Variants in ARPC4 observed in about 807,000 individuals in gnomAD.
ARPC4 encodes actin-related protein 2/3 complex subunit 4.
A neutral mutation model predicts 22.8 loss-of-function variants in ARPC4; 3 were observed. The observed-to-expected ratio is 0.13, with a 90% CI of 0.06 to 0.34. ARPC4 has a LOEUF of 0.34. Ranked by LOEUF, ARPC4 falls within the 10% of genes least tolerant of loss-of-function variation. The probability of loss-of-function intolerance (pLI) is 1.00; values close to 1 mark genes in which losing one functional copy is unlikely to be tolerated. For synonymous variants in ARPC4, 80 were observed against 72.5 expected, an observed-to-expected ratio of 1.10 and a Z score of -0.52; for missense variants, 98 against 211.0, an observed-to-expected ratio of 0.46 and a Z score of 3.32.
intron 4 of ARPC4, among the ~76,000 whole-genome samples, chr3:9,803,071 G>T (rs1420892591): frequency 6.6e-6 from 1 of 151,866 alleles, no homozygotes; most frequent in Non-Finnish European, 1.5e-5. Context: ...TTTTAGTAGA[G>T]ACGGGGTTTC....
At chr3:9,794,089 C>T (rs1334947126) in intron 1 of ARPC4, among the ~76,000 whole-genome samples, 1 of 152,048 alleles carries the variant, frequency 6.6e-6, no homozygotes, top group African/African-American at 2.4e-5. Context: ...GGGGCACATG[C>T]CTCTTGATTT....
At chr3:9,803,685 C>A in intron 4 of ARPC4, 158 bp from the exon 5 acceptor site, 1 of 857,144 alleles carries the variant, frequency 1.2e-6, no homozygotes, top group Non-Finnish European at 2.0e-6. Flanking sequence ...TCCCCCAGAG[C>A]AGCTGGGCTG....
At chr3:9,802,219 CAG>C (rs1375669653) in intron 4 of ARPC4, among the ~76,000 whole-genome samples, 5 of 95,436 alleles carry the variant, frequency 5.2e-5, no homozygotes, top group African/African-American at 2.1e-4. Context: ...GCCTGGGCGA[CAG>C]AGCAAGACTC....
chr3:9,794,696 C>A (rs991114542), intron 1 of ARPC4, among the ~76,000 whole-genome samples: 1 of 151,948 alleles, frequency 6.6e-6, no homozygotes, highest in Non-Finnish European at 1.5e-5. Flanking sequence ...AAAAAAAAGT[C>A]AAGTTGTGTA....
In ARPC4 at chr3:9,800,286, C is replaced by T. The variant is rs1246032683; in HGVS notation, c.224C>T (p.Ala75Val). The change falls in exon 3 of 6, where the codon GCT becomes GTT. Residue 75 changes from alanine to valine, a missense_variant. Physicochemically the swap from Ala to Val is moderately conservative, Grantham distance 64. Coordinates refer to ENST00000397261, the MANE Select transcript of ARPC4 (RefSeq NM_005718.5). ...GSINSVRVSI[A>V]VKQADEIEKI... ...ATCAACTCTGTCCGGGTCAGCATTG[C>T]TGTGAAACAGGTAAGTTCACCATGG... 3 of 1,613,944 alleles carry T rather than the reference C, an allele frequency of 1.9e-6. No homozygotes were observed. Among genetic ancestry groups the T allele is most frequent in the Admixed American group, 3.3e-5 (2 of 59,976 alleles).
At chr3:9,803,168 C>A (rs2079048448) in intron 4 of ARPC4, among the ~76,000 whole-genome samples, 1 of 152,246 alleles carries the variant, frequency 6.6e-6, no homozygotes, top group African/African-American at 2.4e-5. Flanking sequence ...CAGGCGTGAG[C>A]CACCGCGCCC....
intron 2 of ARPC4, 87 bp from the exon 3 acceptor site, chr3:9,800,098 C>A: frequency 7.5e-7 from 1 of 1,325,680 alleles, no homozygotes; most frequent in African/African-American, 1.4e-5. Context: ...ACTCTATGGT[C>A]TCATAGTGAT....
rs372131485 is a variant in ARPC4, at chr3:9,806,448, C to T, written c.*233C>T. On this transcript the variant is annotated 3_prime_UTR_variant, in exon 6 of 6. Coordinates refer to ENST00000397261, the MANE Select transcript of ARPC4 (RefSeq NM_005718.5). Reference sequence around the variant, plus strand: ...GCTTCTGATGTTCAGTCCCCTGGGCCGGGACAGATTTTTTTTAACGTCTTG... The same window carrying T: ...GCTTCTGATGTTCAGTCCCCTGGGCTGGGACAGATTTTTTTTAACGTCTTG... The T allele has an allele frequency of 1.5e-4, 87 of 586,740 alleles. No homozygotes were observed. Among genetic ancestry groups the T allele is most frequent in the South Asian group, 8.4e-4 (42 of 49,792 alleles). The allele number at this position is 586,740 out of a possible 1,614,324, so 36.3% of individuals were successfully genotyped here.
At chr3:9,795,951 C>G (rs113803575) in intron 1 of ARPC4, among the ~76,000 whole-genome samples, 47 of 152,224 alleles carry the variant, frequency 3.1e-4, no homozygotes, top group African/African-American at 8.7e-4. Context: ...CAAAAATTAA[C>G]CAGGCACGGT....
At chr3:9,802,513 C>T (rs2079032140) in intron 4 of ARPC4, among the ~76,000 whole-genome samples, 1 of 148,784 alleles carries the variant, frequency 6.7e-6, no homozygotes, top group Non-Finnish European at 1.5e-5. Context: ...GTAGCTGGGA[C>T]TACAGGCGCC....
intron 4 of ARPC4, 42 bp from the exon 5 acceptor site, chr3:9,803,801 C>G: frequency 1.3e-6 from 2 of 1,594,452 alleles, no homozygotes; most frequent in Non-Finnish European, 1.7e-6. Flanking sequence ...CTAATTCTCT[C>G]CTGTTCCTTC....
At position 9,801,212 on chromosome 3, in the gene ARPC4, GAAAAAAAAA is replaced by G. The variant is rs745696982; in HGVS notation, c.235-432_235-424del. 5.3e-4 allele frequency among the ~76,000 whole-genome samples: 35 copies of G among 66,454 alleles called. 1 individual carries two copies. Among genetic ancestry groups the G allele is most frequent in the East Asian group, 3.3e-3 (6 of 1,810 alleles). The allele number at this position is 66,454 out of a possible 152,430, so 43.6% of individuals were successfully genotyped here. A position where few individuals can be genotyped will look rare whatever the true frequency, so the allele number is the denominator to read the frequency against. The stretch of plus-strand genomic sequence containing the variant: ...GGTGACAGAGCGAGATTCCATCTCA[GAAAAAAAAA>G]AAAAAAAAAAAAAAAAGAAATGTTG... On this transcript the variant is annotated intron_variant, in intron 3 of 5. Coordinates refer to ENST00000397261, the MANE Select transcript of ARPC4 (RefSeq NM_005718.5).
chr3:9,806,480 A>G lies in ARPC4; in HGVS notation c.*265A>G. 1 of 561,356 alleles carries G rather than the reference A, an allele frequency of 1.8e-6. No individual in the cohort carries two copies. Among genetic ancestry groups the G allele is most frequent in the South Asian group, 2.1e-5 (1 of 47,994 alleles). 34.8% of individuals were successfully genotyped at this position (561,356 alleles called of 1,614,324 possible). The stretch of plus-strand genomic sequence containing the variant: ...GATTTTTTTTAACGTCTTGAAACTT[A>G]AACTCTGTGCTTGTAGGATACTGTA... On this transcript the variant is annotated 3_prime_UTR_variant, in exon 6 of 6. Coordinates refer to ENST00000397261, the MANE Select transcript of ARPC4 (RefSeq NM_005718.5).
At chr3:9,803,351 A>G (rs550455549) in intron 4 of ARPC4, among the ~76,000 whole-genome samples, 1 of 152,350 alleles carries the variant, frequency 6.6e-6, no homozygotes, top group East Asian at 1.9e-4. Flanking sequence ...CAGGCGTGTT[A>G]GCCAAGTTCT....
chr3:9,801,857 C>T, intron 4 of ARPC4, 101 bp downstream of exon 4: 1 of 1,188,114 alleles, frequency 8.4e-7, no homozygotes, highest in Non-Finnish European at 1.2e-6. Flanking sequence ...TTGGCACCCA[C>T]TGCCTGAATT....
At chr3:9,805,407 A>G (rs1406193303) in intron 5 of ARPC4, among the ~76,000 whole-genome samples, 1 of 152,208 alleles carries the variant, frequency 6.6e-6, no homozygotes, top group Non-Finnish European at 1.5e-5. Context: ...GGTCTAAGAA[A>G]GTACCATAGC....
chr3:9,793,110 C>G lies in ARPC4; in HGVS notation c.-12C>G, dbSNP rs1011519554. 6.5e-7 allele frequency: 1 copy of G among 1,543,730 alleles called. No individual in the cohort carries two copies. Among genetic ancestry groups the G allele is most frequent in the Non-Finnish European group, 8.7e-7 (1 of 1,144,084 alleles). Reference sequence around the variant, plus strand: ...TCCGTACTTCCGCTTTCCGGCCCAGCCAGCGCCCGCGATGGTGAGAGAGCC... The same window carrying G: ...TCCGTACTTCCGCTTTCCGGCCCAGGCAGCGCCCGCGATGGTGAGAGAGCC... On this transcript the variant is annotated 5_prime_UTR_variant, in exon 1 of 6. Transcript: ENST00000397261.
Position 9,796,940 on chromosome 3 carries a change from CAAAAAAA to C in ARPC4, c.4-706_4-700del, listed in dbSNP as rs374104136. The stretch of plus-strand genomic sequence containing the variant: ...TGGGCAACAGAGCGAGACTCTGTCT[CAAAAAAA>C]AAAAAAAAAAAAGAATGTCCTTATT... On this transcript the variant is annotated intron_variant, in intron 1 of 5. Coordinates refer to ENST00000397261, the MANE Select transcript of ARPC4 (RefSeq NM_005718.5). Among the ~76,000 whole-genome samples the C allele has an allele frequency of 6.1e-5, 7 of 114,704 alleles. 1 individual carries two copies. The South Asian group carries it at 9.2e-4, about 15-fold the overall frequency. The allele number at this position is 114,704 out of a possible 152,430, so 75.3% of individuals were successfully genotyped here.
chr3:9,793,470 C>A (rs2078802273), intron 1 of ARPC4, among the ~76,000 whole-genome samples: 1 of 152,200 alleles, frequency 6.6e-6, no homozygotes, highest in South Asian at 2.1e-4. Flanking sequence ...AGGCATGAAG[C>A]AAGTCCACCT....
Sources: gnomAD v4.1 joint callset for allele counts (sites outside exome capture counted in the v4.1 genomes callset) on GRCh38, gnomAD v4.1.1 for gene constraint, MANE v1.5 for transcripts, NCBI Gene and HGNC (gene_info 2026-07-23, HGNC 2026-07-21) for gene names.